The following CNTNAP2 variants were observed in gnomAD, a reference collection of about 807,000 sequenced individuals.
CNTNAP2 encodes the protein contactin associated protein 2, also known as contactin-associated protein-like 2.
CNTNAP2 carries 98 observed loss-of-function variants against 155.2 expected under a neutral mutation model. That is an observed-to-expected ratio of 0.63 (90% confidence interval 0.54 to 0.75). The LOEUF is 0.75. Ranked by LOEUF, CNTNAP2 falls within the 30% of genes least tolerant of loss-of-function variation. The pLI, the probability that CNTNAP2 is intolerant of heterozygous loss-of-function variation, is 0.00. For synonymous variants in CNTNAP2, 651 were observed against 631.2 expected (o/e 1.03, Z -0.47); for missense variants, 1,727 against 1,688.1 (o/e 1.02, Z -0.40).
At chr7:146,672,159 C>T (rs1233006208) in intron 1 of CNTNAP2, among the ~76,000 whole-genome samples, 2 of 152,122 alleles carry the variant, frequency 1.3e-5, no homozygotes, top group African/African-American at 4.8e-5. Context: ...ATTGCACACA[C>T]CCATCAGAGA....
chr7:146,787,472 C>T (rs1802594466), intron 2 of CNTNAP2, among the ~76,000 whole-genome samples: 1 of 152,080 alleles, frequency 6.6e-6, no homozygotes, highest in Non-Finnish European at 1.5e-5. Flanking sequence ...TGTTACAGCT[C>T]TTAAAGGCTG....
chr7:147,261,238 T>C (rs1804457402), intron 8 of CNTNAP2, among the ~76,000 whole-genome samples: 1 of 152,206 alleles, frequency 6.6e-6, no homozygotes, highest in Non-Finnish European at 1.5e-5. Context: ...ACTCTGGCAG[T>C]GGATTGAAAT....
chr7:147,531,461 G>T (rs755070648), intron 11 of CNTNAP2, among the ~76,000 whole-genome samples: 5 of 152,214 alleles, frequency 3.3e-5, no homozygotes, highest in Non-Finnish European at 7.3e-5. Context: ...CTGTGTACCT[G>T]CAGGCTCAAC....
At chr7:147,468,739 G>T (rs73158394) in intron 10 of CNTNAP2, among the ~76,000 whole-genome samples, 23,811 of 152,120 alleles carry the variant, frequency 0.16, 2,282 homozygotes, top group East Asian at 0.36. Context: ...TTAGAAAAAT[G>T]GTTCTGAAAC....
At chr7:147,349,552 T>C (rs946008324) in intron 9 of CNTNAP2, among the ~76,000 whole-genome samples, 3 of 151,918 alleles carry the variant, frequency 2.0e-5, no homozygotes, top group Non-Finnish European at 4.4e-5. Context: ...GAAAAAAATA[T>C]ATAACATTCC....
chr7:146,815,259 T>A (rs1047323047), intron 2 of CNTNAP2, among the ~76,000 whole-genome samples: 2 of 152,164 alleles, frequency 1.3e-5, no homozygotes, highest in African/African-American at 4.8e-5. Flanking sequence ...ATAAGTTATA[T>A]GACAGATATA....
Position 146,494,372 on chromosome 7 carries a change from A to G in CNTNAP2, c.98-279899A>G, listed in dbSNP as rs1449363160. ...ATAAATAAAAATAAATAAATAAATA[A>G]AAATAAAAATGCTTTGTATGTAGTA... On this transcript the variant is annotated intron_variant, in intron 1 of 23. Transcript: ENST00000361727. 4.0e-5 allele frequency among the ~76,000 whole-genome samples: 6 copies of G among 151,824 alleles called. No homozygotes were observed. In the East Asian group the frequency reaches 1.2e-3, roughly 29 times the overall value.
intron 1 of CNTNAP2, among the ~76,000 whole-genome samples, chr7:146,543,687 A>C (rs2129141434): frequency 6.6e-6 from 1 of 152,034 alleles, no homozygotes; most frequent in East Asian, 1.9e-4. Flanking sequence ...TTGTTTCCTA[A>C]ACCCTCTTTA....
chr7:148,231,219 G>A (rs1053772744), intron 20 of CNTNAP2, among the ~76,000 whole-genome samples: 3 of 152,174 alleles, frequency 2.0e-5, no homozygotes, highest in African/African-American at 7.2e-5. Flanking sequence ...CTTGAGGAAG[G>A]GGAGAGGAGT....
At chr7:146,794,077 A>T (rs1159737506) in intron 2 of CNTNAP2, among the ~76,000 whole-genome samples, 2 of 152,138 alleles carry the variant, frequency 1.3e-5, no homozygotes, top group African/African-American at 4.8e-5. Context: ...CTGAAAGCAA[A>T]TCCCTTTTGA....
intron 1 of CNTNAP2, among the ~76,000 whole-genome samples, chr7:146,728,410 G>A (rs970220800): frequency 7.9e-5 from 12 of 151,994 alleles, no homozygotes; most frequent in African/African-American, 2.7e-4. Flanking sequence ...CAAATAATGC[G>A]AGCCAGTTTT....
intron 3 of CNTNAP2, among the ~76,000 whole-genome samples, chr7:147,001,395 G>T (rs963291503): frequency 6.6e-6 from 1 of 151,826 alleles, no homozygotes; most frequent in African/African-American, 2.4e-5. Context: ...AAACAGACAC[G>T]CATCTTTTAA....
Position 147,225,469 on chromosome 7 carries a change from T to G in CNTNAP2, c.1349-74672T>G, listed in dbSNP as rs1481252097. ...TAAATGTTATCCCACCTAAATAATA[T>G]GACTCTTGTTTTTAATTAGGTTTAA... On this transcript the variant is annotated intron_variant, in intron 8 of 23. Coordinates refer to ENST00000361727, the MANE Select transcript of CNTNAP2 (RefSeq NM_014141.6). 3.3e-5 allele frequency among the ~76,000 whole-genome samples: 5 copies of G among 152,164 alleles called. No homozygotes were observed. In the East Asian group the frequency reaches 9.6e-4, roughly 29 times the overall value.
At chr7:146,535,238 A>ATAT in intron 1 of CNTNAP2, among the ~76,000 whole-genome samples, 1 of 40,778 alleles carries the variant, frequency 2.5e-5, no homozygotes, top group Non-Finnish European at 3.6e-5. Context: ...ATATTATATC[A>ATAT]TATATCATAT....
At chr7:147,472,295 C>A (rs563763115) in intron 10 of CNTNAP2, among the ~76,000 whole-genome samples, 2 of 149,838 alleles carry the variant, frequency 1.3e-5, no homozygotes, top group Non-Finnish European at 3.0e-5. Flanking sequence ...TCACTGCAAC[C>A]TTTGCCTCCC....
chr7:147,810,216 TATATAG>T lies in CNTNAP2; in HGVS notation c.2099-93337_2099-93332del, dbSNP rs1183173660. On this transcript the variant is annotated intron_variant, in intron 13 of 23. Coordinates refer to ENST00000361727, the MANE Select transcript of CNTNAP2 (RefSeq NM_014141.6). ...AACTATATAATTGATATATATCATA[TATATAG>T]ATATAGATATATATCAATAATATAA... Among the ~76,000 whole-genome samples, 8 of 150,762 alleles carry T rather than the reference TATATAG, an allele frequency of 5.3e-5. No individual in the cohort carries two copies. The East Asian group carries it at 9.7e-4, about 18-fold the overall frequency.
At chr7:146,137,306 T>C (rs1052395020) in intron 1 of CNTNAP2, among the ~76,000 whole-genome samples, 7 of 152,208 alleles carry the variant, frequency 4.6e-5, no homozygotes, top group Non-Finnish European at 8.8e-5. Flanking sequence ...TTTTAAAAGT[T>C]CTTTCGGGCC....
rs191379404 is a variant in CNTNAP2 at position 147,872,926 on chromosome 7, T to A, written c.2099-30639T>A. Among the ~76,000 whole-genome samples, 357 of 152,362 alleles carry A rather than the reference T, an allele frequency of 2.3e-3. 2 individuals are homozygous for A. Among genetic ancestry groups the A allele is most frequent in the Admixed American group, 6.7e-3 (103 of 15,310 alleles). The stretch of plus-strand genomic sequence containing the variant: ...TGTGTGAATGAAAAAATAGTTCATG[T>A]CTCTTTAGATTTATGCACAGATAAG... On this transcript the variant is annotated intron_variant, in intron 13 of 23. Transcript: ENST00000361727.
At chr7:147,015,719 G>A (rs777020222) in intron 3 of CNTNAP2, among the ~76,000 whole-genome samples, 17 of 151,816 alleles carry the variant, frequency 1.1e-4, no homozygotes, top group Non-Finnish European at 1.8e-4. Context: ...AATTTAAGAA[G>A]GGTAAAAACA....
Sources: gnomAD v4.1 joint callset for allele counts (sites outside exome capture counted in the v4.1 genomes callset) on GRCh38, gnomAD v4.1.1 for gene constraint, MANE v1.5 for transcripts, NCBI Gene and HGNC (gene_info 2026-07-23, HGNC 2026-07-21) for gene names.